Variants in SLC24A2 observed in about 807,000 individuals in gnomAD.
SLC24A2 encodes solute carrier family 24 member 2.
A neutral mutation model predicts 62.0 loss-of-function variants in SLC24A2; 36 were observed. The observed-to-expected ratio is 0.58, with a 90% CI of 0.44 to 0.77. SLC24A2 has a LOEUF of 0.77. SLC24A2 is among the 30% of genes least tolerant of loss of function. The pLI, the probability that SLC24A2 is intolerant of heterozygous loss-of-function variation, is 0.00. For missense variants in SLC24A2, 846 were observed against 817.9 expected, an observed-to-expected ratio of 1.03 and a Z score of -0.42; for synonymous variants, 358 against 294.0, an observed-to-expected ratio of 1.22 and a Z score of -2.23.
the SLC24A2 span, chr9:19,895,857 G>A: frequency 6.2e-7 from 1 of 1,611,246 alleles, no homozygotes; most frequent in Non-Finnish European, 8.5e-7. Flanking sequence ...GGCCAGCAAA[G>A]AAGGGGTGCA....
chr9:20,265,920 G>A, the SLC24A2 span, among the ~76,000 whole-genome samples: 1 of 152,100 alleles, frequency 6.6e-6, no homozygotes, highest in Admixed American at 6.5e-5. Flanking sequence ...CGATCTGTAG[G>A]GATGAAAGAA....
At chr9:19,824,554 GC>G in the SLC24A2 span, among the ~76,000 whole-genome samples, 35 of 152,278 alleles carry the variant, frequency 2.3e-4, no homozygotes, top group African/African-American at 6.5e-4. Context: ...AAATGGGAAT[GC>G]TTTTACGCTG....
At chr9:19,563,288 C>T (rs1835493830) in intron 7 of SLC24A2, among the ~76,000 whole-genome samples, 1 of 152,124 alleles carries the variant, frequency 6.6e-6, no homozygotes, top group Non-Finnish European at 1.5e-5. Context: ...TCTTATTATA[C>T]TTCACTGATG....
At chr9:20,081,149 A>C in the SLC24A2 span, among the ~76,000 whole-genome samples, 1 of 152,216 alleles carries the variant, frequency 6.6e-6, no homozygotes, top group Admixed American at 6.5e-5. Flanking sequence ...AAGGATTATA[A>C]ATCATGCTGC....
the SLC24A2 span, among the ~76,000 whole-genome samples, chr9:20,089,355 C>G: frequency 6.6e-6 from 1 of 152,132 alleles, no homozygotes; most frequent in Non-Finnish European, 1.5e-5. Context: ...TGTCTGATCA[C>G]CACAGAGGCA....
chr9:19,776,076 T>C (rs1343851160), intron 2 of SLC24A2, among the ~76,000 whole-genome samples: 1 of 152,246 alleles, frequency 6.6e-6, no homozygotes, highest in Admixed American at 6.5e-5. Context: ...AATATGCACA[T>C]ATGTATGTGT....
chr9:20,072,898 C>T, the SLC24A2 span, among the ~76,000 whole-genome samples: 1 of 152,040 alleles, frequency 6.6e-6, no homozygotes, highest in Non-Finnish European at 1.5e-5. Context: ...TTCAGACCTC[C>T]AGAACTGTAA....
chr9:19,679,463 C>T (rs1011291335), intron 2 of SLC24A2, among the ~76,000 whole-genome samples: 3 of 152,026 alleles, frequency 2.0e-5, no homozygotes, highest in African/African-American at 7.3e-5. Flanking sequence ...CTTGATTGGG[C>T]TAAGGGATGC....
the SLC24A2 span, among the ~76,000 whole-genome samples, chr9:20,027,911 AT>A: frequency 0.013 from 1,906 of 151,800 alleles, 41 homozygotes; most frequent in African/African-American, 0.043. Flanking sequence ...TACAATGTCA[AT>A]TTTTTTTTAA....
chr9:20,141,305 T>C, the SLC24A2 span, among the ~76,000 whole-genome samples: 2 of 152,128 alleles, frequency 1.3e-5, no homozygotes, highest in African/African-American at 2.4e-5. Flanking sequence ...GCTCGCTGTC[T>C]TATTTCTCTC....
intron 8 of SLC24A2, among the ~76,000 whole-genome samples, chr9:19,531,999 C>T (rs1563937871): frequency 6.6e-6 from 1 of 152,108 alleles, no homozygotes; most frequent in Non-Finnish European, 1.5e-5. Flanking sequence ...CCTGAGGATA[C>T]CAAAATCTGC....
chr9:19,860,116 T>G, the SLC24A2 span, among the ~76,000 whole-genome samples: 2 of 152,044 alleles, frequency 1.3e-5, no homozygotes, highest in Non-Finnish European at 2.9e-5. Flanking sequence ...CCAGCCAGGG[T>G]GGCTAAGGGA....
At chr9:20,267,791 G>A in the SLC24A2 span, among the ~76,000 whole-genome samples, 326 of 152,280 alleles carry the variant, frequency 2.1e-3, no homozygotes, top group African/African-American at 7.6e-3. Flanking sequence ...AATTTCATGT[G>A]TCAAGTATCT....
chr9:20,233,769 A>G, the SLC24A2 span, among the ~76,000 whole-genome samples: 2 of 152,184 alleles, frequency 1.3e-5, no homozygotes, highest in East Asian at 1.9e-4. Flanking sequence ...TCCTGTCATT[A>G]TGATGTTAGC....
intron 2 of SLC24A2, among the ~76,000 whole-genome samples, chr9:19,645,035 C>G (rs1019424689): frequency 3.3e-5 from 5 of 152,086 alleles, no homozygotes; most frequent in African/African-American, 4.8e-5. Context: ...GAGAAAAAAA[C>G]ACTCTGTTCT....
chr9:20,106,945 A>G, the SLC24A2 span, among the ~76,000 whole-genome samples: 2 of 152,314 alleles, frequency 1.3e-5, no homozygotes, highest in Admixed American at 6.5e-5. Flanking sequence ...TGTATCTAGA[A>G]AACCCCATTG....
chr9:19,742,920 G>T (rs1433430551), intron 2 of SLC24A2, among the ~76,000 whole-genome samples: 2 of 152,114 alleles, frequency 1.3e-5, no homozygotes, highest in Non-Finnish European at 2.9e-5. Context: ...ATCTTGTTTT[G>T]TTTGGAGGGA....
the SLC24A2 span, among the ~76,000 whole-genome samples, chr9:19,913,674 C>A: frequency 1.3e-5 from 2 of 152,070 alleles, no homozygotes; most frequent in African/African-American, 4.8e-5. Context: ...ATGAGATTAA[C>A]CATCCTTTAT....
chr9:19,786,643 C>G lies in SLC24A2; in HGVS notation c.224G>C (p.Gly75Ala), dbSNP rs1300806398. The part of the protein sequence containing the change: ...QSTGEASVVS[G>A]PRVAQGYHQR... ...ATGGTAACCCTGTGCTACCCTAGGGCCACTTACAACACTGGCCTCTCCTGT... is the reference window on the plus strand; with the variant it reads ...ATGGTAACCCTGTGCTACCCTAGGGGCACTTACAACACTGGCCTCTCCTGT... The change falls in exon 2 of 11, where the codon GGC becomes GCC. Residue 75 changes from glycine (G) to alanine (A), a missense_variant. By Grantham distance (60) the Gly-to-Ala change is moderately conservative. Coordinates refer to ENST00000341998, the MANE Select transcript of SLC24A2 (RefSeq NM_020344.4). The surrounding 1 kb of genome is among the most constrained non-coding windows in gnomAD (Gnocchi z 5.0). The G allele has an allele frequency of 1.2e-6, 2 of 1,613,972 alleles. No individual in the cohort carries two copies. Among genetic ancestry groups the G allele is most frequent in the Non-Finnish European group, 1.7e-6 (2 of 1,179,990 alleles).
Sources: gnomAD v4.1 joint callset for allele counts (sites outside exome capture counted in the v4.1 genomes callset) on GRCh38, gnomAD v4.1.1 for gene constraint, Gnocchi (gnomAD v3.1) non-coding constraint, MANE v1.5 for transcripts, NCBI Gene and HGNC (gene_info 2026-07-23, HGNC 2026-07-21) for gene names.